PSD2: variants seen among roughly 807,000 people sequenced by gnomAD.
PSD2 encodes the protein PH and SEC7 domain-containing protein 2.
In PSD2, 38 loss-of-function variants were observed where a neutral mutation model predicts 69.8. That is an observed-to-expected ratio of 0.54 (90% CI 0.42 to 0.71). The LOEUF is 0.71. PSD2 is among the 30% of genes least tolerant of loss of function. The pLI is 0.00. For synonymous variants in PSD2, 412 were observed against 423.0 expected (o/e 0.97, Z 0.32); for missense variants, 943 against 1,014.5 (o/e 0.93, Z 0.96).
intron 5 of PSD2, among the ~76,000 whole-genome samples, chr5:139,820,058 G>T (rs1760218796): frequency 6.6e-6 from 1 of 152,204 alleles, no homozygotes; most frequent in East Asian, 1.9e-4. Flanking sequence ...GTTGGGCAGA[G>T]GGGAAAGGTC....
At chr5:139,781,225 T>C in the PSD2 span, among the ~76,000 whole-genome samples, 2 of 152,214 alleles carry the variant, frequency 1.3e-5, no homozygotes, top group Admixed American at 6.5e-5. Context: ...CCTTATTCTA[T>C]TTGTCCAGAA....
At position 139,838,664 on chromosome 5, in the gene PSD2, C is replaced by CA; in HGVS notation, c.1862dup (p.Asn621LysfsTer44). The CA allele has an allele frequency of 6.2e-7, 1 of 1,613,988 alleles. No individual in the cohort carries two copies. The highest frequency in any genetic ancestry group is 8.5e-7 in the Non-Finnish European group (1 of 1,179,916). On this transcript the variant is annotated frameshift_variant, in exon 13 of 15. Transcript: ENST00000274710. LOFTEE classifies it high-confidence loss of function. Reference sequence around the variant, plus strand: ...AAATGCTGTCCTGGATCCTCAGGATCAACCTGGTGGCAGCCATCTTCTCTG... The same window carrying CA: ...AAATGCTGTCCTGGATCCTCAGGATCAAACCTGGTGGCAGCCATCTTCTCTG...
chr5:139,803,768 C>T (rs111403602), intron 1 of PSD2, among the ~76,000 whole-genome samples: 44 of 152,294 alleles, frequency 2.9e-4, no homozygotes, highest in African/African-American at 1.0e-3. Context: ...TCCCTAGGCT[C>T]CTGGGTGGGC....
intron 4 of PSD2, among the ~76,000 whole-genome samples, chr5:139,816,136 T>G (rs187803675): frequency 6.6e-6 from 1 of 152,242 alleles, no homozygotes. Context: ...CACAGCCTTT[T>G]TTTCATGTGC....
At chr5:139,810,508 C>A (rs987670413) in intron 2 of PSD2, among the ~76,000 whole-genome samples, 1 of 152,102 alleles carries the variant, frequency 6.6e-6, no homozygotes, top group Non-Finnish European at 1.5e-5. Context: ...TGTGAGTGTG[C>A]GTGGGGGCAT....
At chr5:139,766,930 C>CTTCTTTCTCT in the PSD2 span, among the ~76,000 whole-genome samples, 1 of 44,046 alleles carries the variant, frequency 2.3e-5, no homozygotes, top group African/African-American at 7.9e-5. Context: ...CCTTCCTTCC[C>CTTCTTTCTCT]TTCTTTCTTT....
chr5:139,802,070 C>A (rs1417026799), intron 1 of PSD2, among the ~76,000 whole-genome samples: 1 of 152,006 alleles, frequency 6.6e-6, no homozygotes, highest in Non-Finnish European at 1.5e-5. Flanking sequence ...AACCTGCAGA[C>A]CCTGAGCCGA....
intron 7 of PSD2, among the ~76,000 whole-genome samples, chr5:139,829,383 T>G (rs1374968928): frequency 1.3e-5 from 2 of 152,256 alleles, no homozygotes; most frequent in African/African-American, 4.8e-5. Flanking sequence ...GCTTACAATT[T>G]AGTGGCACTA....
intron 4 of PSD2, among the ~76,000 whole-genome samples, chr5:139,815,966 C>G (rs565891699): frequency 6.9e-6 from 1 of 144,222 alleles, no homozygotes; most frequent in South Asian, 2.2e-4. Flanking sequence ...TGCACTCCAG[C>G]CTGGGCAACA....
At chr5:139,770,913 A>G in the PSD2 span, among the ~76,000 whole-genome samples, 1 of 152,232 alleles carries the variant, frequency 6.6e-6, no homozygotes, top group African/African-American at 2.4e-5. Context: ...CATATGAGTT[A>G]AACACCCTTA....
rs556871724 is a variant in PSD2 at position 139,838,132 on chromosome 5, C to T, written c.1823+350C>T. ...TCACTTTAAGTGTGGGAAAGATGCA[C>T]CCTCCAGGTAACCTGTAAGGCTGTC... is the stretch of plus-strand genomic sequence containing the variant. On this transcript the variant is annotated intron_variant, in intron 12 of 14. Coordinates refer to ENST00000274710, the MANE Select transcript of PSD2 (RefSeq NM_032289.4). Among the ~76,000 whole-genome samples the T allele has an allele frequency of 2.5e-4, 38 of 152,346 alleles. No individual in the cohort carries two copies. In the South Asian group the frequency reaches 6.8e-3, roughly 27 times the overall value.
intron 5 of PSD2, among the ~76,000 whole-genome samples, chr5:139,820,215 G>A (rs1760223061): frequency 6.6e-6 from 1 of 152,178 alleles, no homozygotes; most frequent in Non-Finnish European, 1.5e-5. Context: ...AGAGTGTCCA[G>A]GGAAGGGGAG....
the PSD2 span, among the ~76,000 whole-genome samples, chr5:139,764,653 C>T: frequency 2.0e-5 from 3 of 152,168 alleles, no homozygotes; most frequent in Non-Finnish European, 4.4e-5. Flanking sequence ...CTGGCAGCCC[C>T]TCCCGGCCCA....
chr5:139,809,638 G>A lies in PSD2; in HGVS notation c.198G>A (p.Val66=). ...DTEEPTKDPD[V]AFHGLSLGLS... ...AGGAACCCACGAAGGACCCAGATGTGGCCTTCCATGGCCTCAGCCTTGGCC... is the reference window on the plus strand; with the variant it reads ...AGGAACCCACGAAGGACCCAGATGTAGCCTTCCATGGCCTCAGCCTTGGCC... The change falls in exon 2 of 15, where the codon GTG becomes GTA. Residue 66 remains valine, a synonymous_variant. Coordinates refer to ENST00000274710, the MANE Select transcript of PSD2 (RefSeq NM_032289.4). 6 of 1,614,214 alleles carry A rather than the reference G, an allele frequency of 3.7e-6. No individual in the cohort carries two copies. The highest frequency in any genetic ancestry group is 5.1e-6 in the Non-Finnish European group (6 of 1,179,996).
chr5:139,822,710 A>G lies in PSD2; in HGVS notation c.1211-16A>G. On this transcript the variant is annotated splice_polypyrimidine_tract_variant and intron_variant, in intron 6 of 14. Transcript: ENST00000274710. ...GTTGGATCCTCGCACTGAGAGTGCC[A>G]CCATCTCTGACTCAGATGGGATCCA... 5.0e-6 allele frequency: 8 copies of G among 1,606,452 alleles called. No individual in the cohort carries two copies. The highest frequency in any genetic ancestry group is 6.8e-6 in the Non-Finnish European group (8 of 1,175,624).
Position 139,814,050 on chromosome 5 carries a change from T to G in PSD2, c.822-120T>G. On this transcript the variant is annotated intron_variant, in intron 3 of 14. Coordinates refer to ENST00000274710, the MANE Select transcript of PSD2 (RefSeq NM_032289.4). The surrounding 1 kb of genome is among the most constrained non-coding windows in gnomAD (Gnocchi z 4.4). Reference sequence around the variant, plus strand: ...TCATTCCCTCCGGCTGCAGTGGAGCTTCTTTCCCTGTTCTGGCCCCTACAT... The same window carrying G: ...TCATTCCCTCCGGCTGCAGTGGAGCGTCTTTCCCTGTTCTGGCCCCTACAT... 1.1e-6 allele frequency: 1 copy of G among 949,680 alleles called. No homozygotes were observed. The highest frequency in any genetic ancestry group is 1.6e-6 in the Non-Finnish European group (1 of 618,692). The allele number at this position is 949,680 out of a possible 1,614,324, so 58.8% of individuals were successfully genotyped here. A position where few individuals can be genotyped will look rare whatever the true frequency, so the allele number is the denominator to read the frequency against.
At chr5:139,820,421 CTAT>C (rs1480512786) in intron 5 of PSD2, among the ~76,000 whole-genome samples, 1 of 152,036 alleles carries the variant, frequency 6.6e-6, no homozygotes, top group Non-Finnish European at 1.5e-5. Flanking sequence ...CAGGGCAGTG[CTAT>C]TATGCAGCAG....
intron 9 of PSD2, among the ~76,000 whole-genome samples, chr5:139,836,138 C>T (rs1242691208): frequency 6.6e-6 from 1 of 152,128 alleles, no homozygotes; most frequent in Non-Finnish European, 1.5e-5. Flanking sequence ...AATATGACCA[C>T]GTTTAGGTGG....
chr5:139,759,309 C>T, the PSD2 span, among the ~76,000 whole-genome samples: 123,620 of 151,632 alleles, frequency 0.82, 52,041 homozygotes, highest in South Asian at 0.93. Context: ...CGCGCTCTCT[C>T]TCCACTCACA....
Sources: allele counts gnomAD v4.1 joint callset (sites outside exome capture counted in the v4.1 genomes callset), GRCh38; gene constraint gnomAD v4.1.1; non-coding constraint Gnocchi (gnomAD v3.1); transcripts MANE v1.5; gene names NCBI Gene and HGNC (gene_info 2026-07-23, HGNC 2026-07-21).